The following CSMD3 variants were observed in gnomAD, a reference collection of about 807,000 sequenced individuals.
CSMD3 encodes CUB and sushi domain-containing protein 3.
CSMD3 carries 177 observed loss-of-function variants against 435.2 expected under a neutral mutation model. The ratio of observed to expected loss-of-function variants is 0.41; its 90% CI spans 0.36 to 0.46. The LOEUF is 0.46. Ranked by LOEUF, CSMD3 falls within the 20% of genes least tolerant of loss-of-function variation. CSMD3 has a pLI of 0.34. For synonymous variants in CSMD3, 1,656 were observed against 1,520.5 expected (o/e 1.09, Z -2.07); for missense variants, 4,265 against 4,504.6 (o/e 0.95, Z 1.52).
chr8:112,287,142 C>A lies in CSMD3; in HGVS notation c.9253G>T (p.Gly3085Cys). 6.2e-7 allele frequency: 1 copy of A among 1,613,712 alleles called. No individual in the cohort carries two copies. Among genetic ancestry groups the A allele is most frequent in the Non-Finnish European group, 8.5e-7 (1 of 1,179,802 alleles). Residue 3085 changes from glycine to cysteine, a missense_variant, in exon 58 of 71, where the codon GGT becomes TGT. This residue lies in a region of CSMD3 where 3,255 missense variants were observed against 3,380.2 expected (regional missense o/e 0.96). Coordinates refer to ENST00000297405, the MANE Select transcript of CSMD3 (RefSeq NM_198123.2). ...TCTTCTGAGCCATGAAGGATGTAAC[C>A]AGTATCACAAGCATAACGTACAGTA... ...KSTVRYACDT[G>C]YILHGSEERT...
At chr8:112,899,114 A>T (rs1564080983) in intron 10 of CSMD3, among the ~76,000 whole-genome samples, 1 of 151,194 alleles carries the variant, frequency 6.6e-6, no homozygotes, top group Non-Finnish European at 1.5e-5. Context: ...ATATTATAGA[A>T]TTGCCAAAGT....
rs115733517 is a variant in CSMD3, at chr8:112,501,278, G to A, written c.5083+2512C>T. On this transcript the variant is annotated intron_variant, in intron 30 of 70. Coordinates refer to ENST00000297405, the MANE Select transcript of CSMD3 (RefSeq NM_198123.2). ...GCAATATACACCATAGTTAAAACTC[G>A]GGACCATAGTTAAAACAATTAATAA... 8.2e-3 allele frequency among the ~76,000 whole-genome samples: 1,236 copies of A among 151,572 alleles called. 25 individuals carry two copies. Among genetic ancestry groups the A allele is most frequent in the African/African-American group, 0.028 (1,146 of 41,332 alleles).
At chr8:112,593,767 C>T (rs1186781040) in intron 22 of CSMD3, among the ~76,000 whole-genome samples, 2 of 152,022 alleles carry the variant, frequency 1.3e-5, no homozygotes, top group Non-Finnish European at 2.9e-5. Flanking sequence ...TAATTGTCAT[C>T]AGTGTTAAAT....
chr8:112,841,013 A>G (rs939912057), intron 11 of CSMD3, among the ~76,000 whole-genome samples: 3 of 151,712 alleles, frequency 2.0e-5, no homozygotes, highest in African/African-American at 7.2e-5. Context: ...TAAAGTCTTC[A>G]AACACTCATA....
At chr8:112,485,847 G>A (rs1820071672) in intron 31 of CSMD3, among the ~76,000 whole-genome samples, 1 of 151,894 alleles carries the variant, frequency 6.6e-6, no homozygotes, top group East Asian at 1.9e-4. Context: ...AGAGAATGGT[G>A]CCAGAAGACC....
chr8:112,393,591 T>C (rs1251503842), intron 35 of CSMD3, among the ~76,000 whole-genome samples: 1 of 152,190 alleles, frequency 6.6e-6, no homozygotes, highest in Non-Finnish European at 1.5e-5. Flanking sequence ...ACTCTTCTTC[T>C]TTGCATTATA....
rs546396543 is a variant in CSMD3, at chr8:112,527,370, C to CA, written c.4565-10146dup. On this transcript the variant is annotated intron_variant, in intron 27 of 70. Coordinates refer to ENST00000297405, the MANE Select transcript of CSMD3 (RefSeq NM_198123.2). Reference sequence around the variant, plus strand: ...ATCAATAAAAGGGTCAAAAAAGGGTCAAAAAAAACCCATAGCATCCAAAAT... The same window carrying CA: ...ATCAATAAAAGGGTCAAAAAAGGGTCAAAAAAAAACCCATAGCATCCAAAAT... 3.7e-3 allele frequency among the ~76,000 whole-genome samples: 551 copies of CA among 150,688 alleles called. 1 individual carries two copies. The highest frequency in any genetic ancestry group is 0.013 in the African/African-American group (521 of 41,188).
chr8:112,525,712 C>T (rs1299626956), intron 27 of CSMD3, among the ~76,000 whole-genome samples: 3 of 145,280 alleles, frequency 2.1e-5, no homozygotes, highest in Admixed American at 7.0e-5. Flanking sequence ...CAGAGCGAGA[C>T]TCCGTCCTCC....
chr8:112,582,523 A>G (rs1322037059), intron 23 of CSMD3, among the ~76,000 whole-genome samples: 2 of 152,006 alleles, frequency 1.3e-5, no homozygotes, highest in Non-Finnish European at 2.9e-5. Context: ...AGAAAATGTC[A>G]GGCACAGTAA....
At chr8:112,353,896 A>G (rs1457980199) in intron 38 of CSMD3, among the ~76,000 whole-genome samples, 1 of 152,170 alleles carries the variant, frequency 6.6e-6, no homozygotes, top group Non-Finnish European at 1.5e-5. Context: ...CACAACAAAA[A>G]AAGAAAAATA....
chr8:112,530,871 G>A (rs1825460345), intron 27 of CSMD3, among the ~76,000 whole-genome samples: 1 of 152,090 alleles, frequency 6.6e-6, no homozygotes, highest in Non-Finnish European at 1.5e-5. Context: ...ACGGCAGAAG[G>A]GCTTAAGCCC....
intron 11 of CSMD3, among the ~76,000 whole-genome samples, chr8:112,832,271 T>C (rs2079898354): frequency 6.6e-6 from 1 of 152,012 alleles, no homozygotes; most frequent in Non-Finnish European, 1.5e-5. Context: ...CTATATAATA[T>C]CCTCCTCTTC....
intron 13 of CSMD3, among the ~76,000 whole-genome samples, chr8:112,767,839 T>G (rs1230537919): frequency 6.6e-6 from 1 of 151,798 alleles, no homozygotes; most frequent in Non-Finnish European, 1.5e-5. Flanking sequence ...ACAAGCCCCT[T>G]TCCCTCTGCT....
intron 4 of CSMD3, among the ~76,000 whole-genome samples, chr8:113,110,388 A>T (rs565796903): frequency 3.3e-5 from 5 of 152,312 alleles, no homozygotes; most frequent in African/African-American, 9.6e-5. Context: ...AAATTTCTCC[A>T]TGCAAATATC....
chr8:112,696,097 A>G (rs2076248642), intron 13 of CSMD3, among the ~76,000 whole-genome samples: 1 of 152,206 alleles, frequency 6.6e-6, no homozygotes, highest in Admixed American at 6.5e-5. Context: ...ATGGAAGAAC[A>G]TTCCATGCTC....
chr8:113,204,362 A>AT (rs1186359642), intron 3 of CSMD3, among the ~76,000 whole-genome samples: 5 of 152,136 alleles, frequency 3.3e-5, no homozygotes, highest in African/African-American at 1.2e-4. Context: ...GGTACTGTTC[A>AT]TTTTTTAACA....
At chr8:113,226,432 C>G (rs1174473744) in intron 3 of CSMD3, among the ~76,000 whole-genome samples, 1 of 151,532 alleles carries the variant, frequency 6.6e-6, no homozygotes, top group Admixed American at 6.6e-5. Context: ...CCTATCCTTG[C>G]AAGTCAAAAA....
intron 31 of CSMD3, among the ~76,000 whole-genome samples, chr8:112,481,791 T>A (rs1819643280): frequency 6.6e-6 from 1 of 152,188 alleles, no homozygotes; most frequent in African/African-American, 2.4e-5. Context: ...CAGTATTGAC[T>A]TTAAAATTAA....
chr8:112,604,446 T>C (rs546928778), intron 22 of CSMD3, among the ~76,000 whole-genome samples: 2 of 151,946 alleles, frequency 1.3e-5, no homozygotes, highest in South Asian at 2.1e-4. Flanking sequence ...TACAGACCAA[T>C]AGAGTAGGTT....
Sources: gnomAD v4.1 joint callset for allele counts (sites outside exome capture counted in the v4.1 genomes callset) on GRCh38, gnomAD v4.1.1 for gene constraint, gnomAD v4.1.1 regional missense constraint, MANE v1.5 for transcripts, NCBI Gene and HGNC (gene_info 2026-07-23, HGNC 2026-07-21) for gene names.